The following STARD8 variants were observed in gnomAD, a reference collection of about 807,000 sequenced individuals.
The protein encoded by STARD8 is StAR related lipid transfer domain containing 8.
STARD8 carries 25 observed loss-of-function variants against 69.4 expected under a neutral mutation model. The observed-to-expected ratio is 0.36, with a 90% confidence interval of 0.26 to 0.50. The LOEUF (loss-of-function observed/expected upper bound fraction) is 0.50, where lower values mean the gene tolerates loss of function less well. Among genes scored for constraint, STARD8 ranks in the 20% least tolerant of loss-of-function variants. The pLI is 0.96. For missense variants in STARD8, 921 were observed against 932.5 expected (o/e 0.99, Z 0.16); for synonymous variants, 389 against 374.6 (o/e 1.04, Z -0.45).
rs1190745341 is a variant in STARD8 at position 68,686,897 on chromosome X, G to A, written c.79+21365G>A. Among the ~76,000 whole-genome samples the A allele has an allele frequency of 2.7e-5, 3 of 110,895 alleles. No homozygotes were observed. In the South Asian group the frequency reaches 1.1e-3, roughly 42 times the overall value. On this transcript the variant is annotated intron_variant, in intron 2 of 14. Transcript: ENST00000374599. The stretch of plus-strand genomic sequence containing the variant: ...TCCGCTCAAAAAGAACACCACTTTG[G>A]TTACTAACACGTGGTAGGCGTTCAG...
At chrX:68,673,018 G>A (rs187243810) in intron 2 of STARD8, among the ~76,000 whole-genome samples, 1 of 111,427 alleles carries the variant, frequency 9.0e-6, no homozygotes, top group Non-Finnish European at 1.9e-5. Flanking sequence ...TTTGGAAAAA[G>A]AAAAAGGCCA....
Position 68,718,297 on chromosome X carries a change from G to A in STARD8, c.1383G>A (p.Gln461=). 8.3e-7 allele frequency: 1 copy of A among 1,211,106 alleles called. No individual in the cohort carries two copies. Among genetic ancestry groups the A allele is most frequent in the Admixed American group, 2.2e-5 (1 of 46,079 alleles). Residue 461 remains glutamine (Q), a synonymous_variant, in exon 6 of 15, where the codon CAG becomes CAA. Transcript: ENST00000374599. ...CAGCCTGGGCCCAGGCTGAAGTCCA[G>A]CCAGCAGTCCTGGCTCCGGCTCAGG... ...ESPAWAQAEV[Q]PAVLAPAQAP...
At position 68,721,268 on chromosome X, in the gene STARD8, C is replaced by T. The variant is rs778809464; in HGVS notation, c.2248+146C>T. 13 of 734,096 alleles carry T rather than the reference C, an allele frequency of 1.8e-5. 1 individual carries two copies. The Admixed American group carries it at 4.1e-4, about 23-fold the overall frequency. 60.5% of individuals were successfully genotyped at this position (734,096 alleles called of 1,213,427 possible). On this transcript the variant is annotated intron_variant, in intron 9 of 14. Transcript: ENST00000374599. ...CAGTTACTATCTGGAGTTGGAATGG[C>T]CCTTGCAGAGAGACCATTCTGCTTC...
chrX:68,712,033 G>C (rs778265087), intron 2 of STARD8, among the ~76,000 whole-genome samples: 1 of 112,753 alleles, frequency 8.9e-6, no homozygotes, highest in South Asian at 3.6e-4. Context: ...GACTAGGAGC[G>C]CCTCCTCTGT....
At position 68,721,131 on chromosome X, in the gene STARD8, C is replaced by T. The variant is rs758659678; in HGVS notation, c.2248+9C>T. 3 of 1,207,932 alleles carry T rather than the reference C, an allele frequency of 2.5e-6. No individual in the cohort carries two copies. Among genetic ancestry groups the T allele is most frequent in the African/African-American group, 3.5e-5 (2 of 57,109 alleles). ...CCTCCAGATCTACCAGCGTGAGTCG[C>T]CCACTCCTATCCCCAACAACCTGTC... On this transcript the variant is annotated intron_variant, in intron 9 of 14. Transcript: ENST00000374599.
At chrX:68,692,517 C>T (rs1295391908) in intron 2 of STARD8, among the ~76,000 whole-genome samples, 2 of 112,089 alleles carry the variant, frequency 1.8e-5, no homozygotes, top group African/African-American at 6.5e-5. Context: ...TTTTTGCTCT[C>T]ATCTGTATCA....
At chrX:68,665,410 G>T in intron 1 of STARD8, 89 bp from the exon 2 acceptor site, 2 of 1,007,304 alleles carry the variant, frequency 2.0e-6, no homozygotes. Context: ...TGGGTAATGG[G>T]TAGATCGAAC....
rs1423133886 is a variant in STARD8, at chrX:68,714,177, T to C, written c.152-1117T>C. ...GCAGCTGGAGGGCTCTTTTTGGCCA[T>C]AGGTCTGACTGTCACTCCTGCTCCA... On this transcript the variant is annotated intron_variant, in intron 3 of 14. Transcript: ENST00000374599. Among the ~76,000 whole-genome samples, 3 of 111,858 alleles carry C rather than the reference T, an allele frequency of 2.7e-5. No individual in the cohort carries two copies. The East Asian group carries it at 8.5e-4, about 32-fold the overall frequency.
chrX:68,674,958 T>C (rs1010561581), intron 2 of STARD8, among the ~76,000 whole-genome samples: 11 of 90,846 alleles, frequency 1.2e-4, no homozygotes, highest in African/African-American at 4.5e-4. Context: ...AATTTTTGTA[T>C]TTTTTTTTTT....
intron 1 of STARD8, among the ~76,000 whole-genome samples, chrX:68,661,967 TC>T (rs1569353755): frequency 2.0e-3 from 149 of 74,513 alleles, no homozygotes; most frequent in African/African-American, 0.012. Flanking sequence ...TCTCTCTCTC[TC>T]TCTCTTTCTT....
At chrX:68,650,481 G>GGGAGGA (rs373796316) in intron 1 of STARD8, among the ~76,000 whole-genome samples, 6 of 82,600 alleles carry the variant, frequency 7.3e-5, no homozygotes, top group East Asian at 7.6e-4. Flanking sequence ...GGAGGAGGAG[G>GGGAGGA]GGAGGAGGAG....
chrX:68,686,245 G>A (rs1038370265), intron 2 of STARD8, among the ~76,000 whole-genome samples: 1 of 109,343 alleles, frequency 9.1e-6, no homozygotes, highest in Non-Finnish European at 1.9e-5. Flanking sequence ...CCTGCTCAAG[G>A]TGGGGGCGTG....
intron 1 of STARD8, among the ~76,000 whole-genome samples, chrX:68,649,271 A>T (rs114434442): frequency 0.024 from 2,721 of 111,189 alleles, 90 homozygotes; most frequent in African/African-American, 0.084. Flanking sequence ...TGGCAGAGGG[A>T]ACTTCGTGAG....
intron 2 of STARD8, among the ~76,000 whole-genome samples, chrX:68,686,350 G>C (rs1206827391): frequency 1.8e-5 from 2 of 112,514 alleles, no homozygotes. Context: ...GCTCAGTCCC[G>C]GGGCAAAACT....
rs72627702 is a variant in STARD8 at position 68,675,559 on chromosome X, G to A, written c.79+10027G>A. On this transcript the variant is annotated intron_variant, in intron 2 of 14. Transcript: ENST00000374599. ...ATTACCACCATGACTAGCCCAGACA[G>A]TAGTGGGGTGGGGGGAGGGGAAGAT... 1.8e-3 allele frequency among the ~76,000 whole-genome samples: 159 copies of A among 90,524 alleles called. 2 individuals carry two copies. The East Asian group carries it at 0.051, about 29-fold the overall frequency. 78.6% of individuals were successfully genotyped at this position (90,524 alleles called of 115,157 possible). A position where few individuals can be genotyped will look rare whatever the true frequency, so the allele number is the denominator to read the frequency against.
chrX:68,723,905 A>G, intron 13 of STARD8, 40 bp from the exon 14 acceptor site: 2 of 1,207,885 alleles, frequency 1.7e-6, no homozygotes, highest in South Asian at 1.8e-5. Context: ...GGTGGAAACC[A>G]GCACTAGGAA....
rs2080191197 is a variant in STARD8 at position 68,725,365 on chromosome X, C to T, written c.*943C>T. ...AGATGGAAGGGCCTATCTTAGCCAGCTGGAGCTTAAGCCAAACCTGTTCTG... is the reference window on the plus strand; with the variant it reads ...AGATGGAAGGGCCTATCTTAGCCAGTTGGAGCTTAAGCCAAACCTGTTCTG... On this transcript the variant is annotated 3_prime_UTR_variant, in exon 15 of 15. Coordinates refer to ENST00000374599, the MANE Select transcript of STARD8 (RefSeq NM_001142503.3). 1 of 110,447 alleles carries T rather than the reference C, an allele frequency of 9.1e-6. No homozygotes were observed. Among genetic ancestry groups the T allele is most frequent in the Non-Finnish European group, 1.9e-5 (1 of 52,837 alleles). The allele number at this position is 110,447 out of a possible 1,213,427, so 9.1% of individuals were successfully genotyped here.
intron 1 of STARD8, among the ~76,000 whole-genome samples, chrX:68,653,077 ACAC>A (rs2079571231): frequency 6.0e-5 from 1 of 16,610 alleles, no homozygotes; most frequent in African/African-American, 2.9e-4. Flanking sequence ...CACCACACAC[ACAC>A]CACACCACAC....
At position 68,725,025 on chromosome X, in the gene STARD8, A is replaced by G. The variant is rs1441097085; in HGVS notation, c.*603A>G. 8.9e-6 allele frequency: 1 copy of G among 111,860 alleles called. No individual in the cohort carries two copies. Among genetic ancestry groups the G allele is most frequent in the African/African-American group, 3.3e-5 (1 of 30,711 alleles). 9.2% of individuals were successfully genotyped at this position (111,860 alleles called of 1,213,427 possible). ...ATGCTGAATTTTATGAGGCTGAGTT[A>G]AGAGTGGGCACTGACGGGCCCCTAA... On this transcript the variant is annotated 3_prime_UTR_variant, in exon 15 of 15. Coordinates refer to ENST00000374599, the MANE Select transcript of STARD8 (RefSeq NM_001142503.3).
Sources: allele counts gnomAD v4.1 joint callset (sites outside exome capture counted in the v4.1 genomes callset), GRCh38; gene constraint gnomAD v4.1.1; transcripts MANE v1.5; gene names NCBI Gene and HGNC (gene_info 2026-07-23, HGNC 2026-07-21).